CCDC149: variants seen among roughly 807,000 people sequenced by gnomAD.
CCDC149 encodes the protein coiled-coil domain containing 149.
A neutral mutation model predicts 59.9 loss-of-function variants in CCDC149; 45 were observed. The ratio of observed to expected loss-of-function variants is 0.75; its 90% CI spans 0.59 to 0.96. The LOEUF is 0.96. Among genes scored for constraint, CCDC149 ranks in the 40% least tolerant of loss-of-function variants. The pLI is 0.00. For synonymous variants in CCDC149, 245 were observed against 260.6 expected, an observed-to-expected ratio of 0.94 and a Z score of 0.58; for missense variants, 584 against 664.7, an observed-to-expected ratio of 0.88 and a Z score of 1.33.
intron 1 of CCDC149, among the ~76,000 whole-genome samples, chr4:24,923,353 AC>A (rs1448654394): frequency 6.6e-6 from 1 of 152,248 alleles, no homozygotes; most frequent in Non-Finnish European, 1.5e-5. Flanking sequence ...CTGTTTAAGT[AC>A]TAGGACTAGT....
At chr4:24,893,951 G>A (rs547507379) in intron 1 of CCDC149, among the ~76,000 whole-genome samples, 2 of 152,090 alleles carry the variant, frequency 1.3e-5, no homozygotes, top group Non-Finnish European at 1.5e-5. Context: ...GTACCAGGTT[G>A]GTTGGTCCAC....
At chr4:24,809,573 G>C (rs1306087723) in intron 12 of CCDC149, among the ~76,000 whole-genome samples, 1 of 151,976 alleles carries the variant, frequency 6.6e-6, no homozygotes, top group Non-Finnish European at 1.5e-5. Flanking sequence ...CTGCATGAGT[G>C]GGGAGCAGCA....
chr4:24,804,817 G>A (rs1692194636), downstream of CCDC149, among the ~76,000 whole-genome samples: 1 of 152,188 alleles, frequency 6.6e-6, no homozygotes, highest in Non-Finnish European at 1.5e-5. Context: ...CGTGATGGTG[G>A]TGCATGTTTG....
At chr4:24,892,049 T>C (rs948791906) in intron 1 of CCDC149, among the ~76,000 whole-genome samples, 3 of 152,144 alleles carry the variant, frequency 2.0e-5, no homozygotes, top group Non-Finnish European at 4.4e-5. Context: ...AGGATCATCA[T>C]AAATAGTAGC....
chr4:24,840,665 A>G (rs1307656342), intron 4 of CCDC149, among the ~76,000 whole-genome samples: 1 of 152,144 alleles, frequency 6.6e-6, no homozygotes, highest in Non-Finnish European at 1.5e-5. Flanking sequence ...GCCCCCACGC[A>G]TAGTGCCAAA....
chr4:24,898,406 AC>A (rs1226825491), intron 1 of CCDC149, among the ~76,000 whole-genome samples: 1 of 151,850 alleles, frequency 6.6e-6, no homozygotes, highest in Non-Finnish European at 1.5e-5. Context: ...GACTTACAAA[AC>A]CCATTGCAAC....
chr4:24,953,316 A>T (rs1469146153), intron 1 of CCDC149, among the ~76,000 whole-genome samples: 1 of 152,170 alleles, frequency 6.6e-6, no homozygotes, highest in Non-Finnish European at 1.5e-5. Context: ...GAACATGTGC[A>T]TTGTTACAAG....
chr4:24,973,789 G>A (rs1438737141), intron 1 of CCDC149, among the ~76,000 whole-genome samples: 3 of 152,332 alleles, frequency 2.0e-5, no homozygotes, highest in Admixed American at 1.3e-4. Context: ...TCTGTGCAAC[G>A]TTATCCACAG....
intron 2 of CCDC149, among the ~76,000 whole-genome samples, chr4:24,874,244 G>GTGTTTTTTTTTTTTTTTTTTTTTTTTT (rs1719240939): frequency 1.1e-5 from 1 of 87,488 alleles, no homozygotes; most frequent in African/African-American, 5.8e-5. Context: ...TATTAGATTT[G>GTGTTTTTTTTTTTTTTTTTTTTTTTTT]TTTTTTTTTT....
intron 4 of CCDC149, among the ~76,000 whole-genome samples, chr4:24,840,767 A>T (rs1716886815): frequency 6.6e-6 from 1 of 152,224 alleles, no homozygotes; most frequent in African/African-American, 2.4e-5. Context: ...AACTTCCTCC[A>T]GGCATGAGTG....
At chr4:24,862,650 T>A (rs781203461) in intron 3 of CCDC149, among the ~76,000 whole-genome samples, 3 of 152,244 alleles carry the variant, frequency 2.0e-5, no homozygotes, top group Non-Finnish European at 4.4e-5. Context: ...GGAGTTAACA[T>A]AACTAGGCTG....
chr4:24,813,506 A>C (rs1185393972), intron 12 of CCDC149, among the ~76,000 whole-genome samples: 3 of 142,510 alleles, frequency 2.1e-5, no homozygotes, highest in African/African-American at 7.9e-5. Context: ...ATATATATAT[A>C]TATATATATA....
At position 24,876,742 on chromosome 4, in the gene CCDC149, G is replaced by A. The variant is rs771174495; in HGVS notation, c.64-45C>T. 3.2e-6 allele frequency: 5 copies of A among 1,555,052 alleles called. No homozygotes were observed. The South Asian group carries it at 5.9e-5, about 18-fold the overall frequency. On this transcript the variant is annotated intron_variant, in intron 1 of 12. Coordinates refer to ENST00000635206, the MANE Select transcript of CCDC149 (RefSeq NM_001330643.2). ...AGGCAATGGGTCAAAAACATCCATGGGCCTCCATTAAACACACACCGTACT... is the reference window on the plus strand; with the variant it reads ...AGGCAATGGGTCAAAAACATCCATGAGCCTCCATTAAACACACACCGTACT...
intron 3 of CCDC149, among the ~76,000 whole-genome samples, chr4:24,870,454 G>A (rs1448127873): frequency 6.6e-6 from 1 of 152,128 alleles, no homozygotes; most frequent in Non-Finnish European, 1.5e-5. Flanking sequence ...ATCCTATCTC[G>A]TGCAGCAATC....
intron 3 of CCDC149, among the ~76,000 whole-genome samples, chr4:24,871,928 T>C (rs1719069263): frequency 1.3e-5 from 2 of 152,306 alleles, no homozygotes; most frequent in Admixed American, 1.3e-4. Flanking sequence ...AGTTAATCTA[T>C]AAATTTAACA....
chr4:24,876,228 C>T (rs1272910071), intron 2 of CCDC149, among the ~76,000 whole-genome samples: 1 of 150,426 alleles, frequency 6.6e-6, no homozygotes. Context: ...AAGCCAGGAG[C>T]CTACTGCAAA....
At chr4:24,961,602 C>G (rs1723637725) in intron 1 of CCDC149, among the ~76,000 whole-genome samples, 1 of 152,072 alleles carries the variant, frequency 6.6e-6, no homozygotes, top group Non-Finnish European at 1.5e-5. Flanking sequence ...GTACTGGTAC[C>G]AAAACAGAGA....
chr4:24,813,017 C>T (rs1714732724), intron 12 of CCDC149, among the ~76,000 whole-genome samples: 1 of 152,102 alleles, frequency 6.6e-6, no homozygotes, highest in Admixed American at 6.5e-5. Flanking sequence ...GTGTCCTCCC[C>T]ACATTCATAT....
chr4:24,834,090 C>T (rs781079511), intron 8 of CCDC149, among the ~76,000 whole-genome samples: 2 of 152,058 alleles, frequency 1.3e-5, no homozygotes, highest in African/African-American at 4.8e-5. Flanking sequence ...TTTTGAAAAA[C>T]AATTCTAGGG....
Sources: allele counts gnomAD v4.1 joint callset (sites outside exome capture counted in the v4.1 genomes callset), GRCh38; gene constraint gnomAD v4.1.1; transcripts MANE v1.5; gene names NCBI Gene and HGNC (gene_info 2026-07-23, HGNC 2026-07-21).